The following TBC1D22A variants were observed in gnomAD, a reference collection of about 807,000 sequenced individuals.
The protein encoded by TBC1D22A is TBC1 domain family member 22A.
In TBC1D22A, 38 loss-of-function variants were observed where a neutral mutation model predicts 60.2. The ratio of observed to expected loss-of-function variants is 0.63; its 90% confidence interval spans 0.49 to 0.83. The LOEUF is 0.83. Among genes scored for constraint, TBC1D22A ranks in the 40% least tolerant of loss-of-function variants. The pLI, the probability that TBC1D22A is intolerant of heterozygous loss-of-function variation, is 0.00. For synonymous variants in TBC1D22A, 302 were observed against 281.7 expected, an observed-to-expected ratio of 1.07 and a Z score of -0.72; for missense variants, 628 against 701.0, an observed-to-expected ratio of 0.90 and a Z score of 1.18.
intron 11 of TBC1D22A, among the ~76,000 whole-genome samples, chr22:47,095,860 G>A (rs555058136): frequency 1.6e-4 from 24 of 152,344 alleles, no homozygotes; most frequent in South Asian, 4.1e-4. Context: ...CTGAGTGACA[G>A]CAGAGGGGGC....
At chr22:46,942,620 T>A (rs2147958492) in intron 8 of TBC1D22A, among the ~76,000 whole-genome samples, 1 of 152,242 alleles carries the variant, frequency 6.6e-6, no homozygotes, top group African/African-American at 2.4e-5. Flanking sequence ...CACATGTCAA[T>A]TAGGAAGAGG....
At chr22:47,113,653 G>A (rs950074672) in intron 12 of TBC1D22A, among the ~76,000 whole-genome samples, 1 of 152,212 alleles carries the variant, frequency 6.6e-6, no homozygotes, top group African/African-American at 2.4e-5. Context: ...CTCCATTGAC[G>A]ACTCCATTTC....
intron 10 of TBC1D22A, among the ~76,000 whole-genome samples, chr22:47,004,325 C>T (rs1188753419): frequency 6.7e-6 from 1 of 148,174 alleles, no homozygotes; most frequent in South Asian, 2.2e-4. Context: ...ATACACACAC[C>T]CCTATATACA....
intron 4 of TBC1D22A, among the ~76,000 whole-genome samples, chr22:46,812,415 T>C (rs1428427873): frequency 6.6e-6 from 1 of 152,166 alleles, no homozygotes; most frequent in Non-Finnish European, 1.5e-5. Flanking sequence ...CCATGAATCA[T>C]GGGGATCACA....
intron 1 of TBC1D22A, among the ~76,000 whole-genome samples, chr22:46,790,236 C>T (rs993124701): frequency 1.3e-5 from 2 of 152,256 alleles, no homozygotes; most frequent in Non-Finnish European, 2.9e-5. Context: ...TGGCATACAG[C>T]CCCCTTTCTC....
At chr22:47,017,648 A>G (rs971413262) in intron 10 of TBC1D22A, among the ~76,000 whole-genome samples, 3 of 152,156 alleles carry the variant, frequency 2.0e-5, no homozygotes, top group African/African-American at 7.2e-5. Context: ...AACGGAGGAA[A>G]TTGTGATTTG....
intron 11 of TBC1D22A, among the ~76,000 whole-genome samples, chr22:47,102,317 A>G (rs1246080535): frequency 6.6e-6 from 1 of 152,150 alleles, no homozygotes; most frequent in Non-Finnish European, 1.5e-5. Flanking sequence ...CTCATCCCAC[A>G]GCCCCGGGGG....
At chr22:46,919,962 C>A (rs1441663389) in intron 8 of TBC1D22A, among the ~76,000 whole-genome samples, 1 of 152,102 alleles carries the variant, frequency 6.6e-6, no homozygotes, top group Non-Finnish European at 1.5e-5. Context: ...TAAGAGGGAA[C>A]CTTTATGGCA....
At chr22:46,879,994 A>C (rs182197714) in intron 5 of TBC1D22A, among the ~76,000 whole-genome samples, 1 of 152,206 alleles carries the variant, frequency 6.6e-6, no homozygotes, top group Non-Finnish European at 1.5e-5. Context: ...TGTGGACAGG[A>C]GGGCAGGTGG....
intron 5 of TBC1D22A, 80 bp downstream of exon 5, chr22:46,878,803 C>G: frequency 7.4e-7 from 1 of 1,350,760 alleles, no homozygotes; most frequent in Non-Finnish European, 1.1e-6. Context: ...TAGGGCCTGA[C>G]AGCCACAGCC....
At chr22:46,781,774 G>C (rs73475030) in intron 1 of TBC1D22A, among the ~76,000 whole-genome samples, 1 of 152,158 alleles carries the variant, frequency 6.6e-6, no homozygotes, top group Non-Finnish European at 1.5e-5. Context: ...GGCCTCTCCT[G>C]TCGTGGGTTA....
At chr22:46,903,957 A>G (rs1000905190) in intron 7 of TBC1D22A, among the ~76,000 whole-genome samples, 2 of 152,178 alleles carry the variant, frequency 1.3e-5, no homozygotes, top group Non-Finnish European at 2.9e-5. Flanking sequence ...GGGAGGTGGC[A>G]TGCTTAATTT....
At chr22:46,860,931 A>G (rs1602197600) in intron 4 of TBC1D22A, among the ~76,000 whole-genome samples, 2 of 152,206 alleles carry the variant, frequency 1.3e-5, no homozygotes, top group African/African-American at 4.8e-5. Context: ...GGCTCTGCTC[A>G]TTCTGAGAAG....
At chr22:46,820,128 CT>C (rs2085765438) in intron 4 of TBC1D22A, among the ~76,000 whole-genome samples, 1 of 152,044 alleles carries the variant, frequency 6.6e-6, no homozygotes, top group Non-Finnish European at 1.5e-5. Flanking sequence ...TCTTCTCTCC[CT>C]TTTTCTTTAT....
chr22:47,039,935 C>CT (rs570751261), intron 11 of TBC1D22A, among the ~76,000 whole-genome samples: 16,625 of 76,790 alleles, frequency 0.22, 4,366 homozygotes, highest in Non-Finnish European at 0.28. Flanking sequence ...GTGCCACAGC[C>CT]TTTTTTTTTT....
Position 47,170,872 on chromosome 22 carries a change from TGGTGTGTAACCCTCCTGATGCAGGACC to T in TBC1D22A, c.1426-2623_1426-2597del, listed in dbSNP as rs1327102162. On this transcript the variant is annotated intron_variant, in intron 12 of 12. Transcript: ENST00000337137. The stretch of plus-strand genomic sequence containing the variant: ...TGCAGGACCGGAGAGAGGACAGTCC[TGGTGTGTAACCCTCCTGATGCAGGACC>T]GGAGAGAGGGCAGTCCTGGTGTGTA... Among the ~76,000 whole-genome samples the T allele has an allele frequency of 3.2e-3, 475 of 150,492 alleles. 140 individuals carry two copies. Among genetic ancestry groups the T allele is most frequent in the East Asian group, 4.0e-3 (20 of 4,988 alleles).
intron 12 of TBC1D22A, among the ~76,000 whole-genome samples, chr22:47,132,691 G>T (rs1294453165): frequency 6.6e-6 from 1 of 152,200 alleles, no homozygotes; most frequent in Admixed American, 6.5e-5. Flanking sequence ...GTCTGCCACG[G>T]TTGCTGTGCC....
chr22:47,027,579 T>C (rs1380488024), intron 10 of TBC1D22A, among the ~76,000 whole-genome samples: 5 of 152,152 alleles, frequency 3.3e-5, no homozygotes, highest in African/African-American at 1.2e-4. Context: ...GAGACTAGTC[T>C]TCTAAGTGAA....
intron 8 of TBC1D22A, chr22:46,915,263 C>T (rs1223884374): frequency 2.1e-5 from 8 of 389,806 alleles, no homozygotes; most frequent in South Asian, 1.5e-4. Context: ...GGTCCAGCAC[C>T]GGCAGAGGCA....
Sources: gnomAD v4.1 joint callset for allele counts (sites outside exome capture counted in the v4.1 genomes callset) on GRCh38, gnomAD v4.1.1 for gene constraint, MANE v1.5 for transcripts, NCBI Gene and HGNC (gene_info 2026-07-23, HGNC 2026-07-21) for gene names.